NUP210L: variants seen among roughly 807,000 people sequenced by gnomAD.
NUP210L encodes nuclear pore membrane glycoprotein 210-like.
NUP210L carries 74 observed loss-of-function variants against 208.5 expected under a neutral mutation model. The observed-to-expected ratio is 0.35, with a 90% CI of 0.29 to 0.43. The LOEUF (loss-of-function observed/expected upper bound fraction) is 0.43. NUP210L is among the 20% of genes least tolerant of loss of function. The probability of loss-of-function intolerance (pLI) is 1.00; values close to 1 mark genes in which losing one functional copy is unlikely to be tolerated. For synonymous variants in NUP210L, 780 were observed against 816.9 expected (o/e 0.95, Z 0.77); for missense variants, 1,843 against 2,289.4 (o/e 0.81, Z 3.98).
At chr1:154,148,686 T>C (rs186016056) in intron 2 of NUP210L, among the ~76,000 whole-genome samples, 32 of 152,286 alleles carry the variant, frequency 2.1e-4, no homozygotes, top group African/African-American at 7.7e-4. Flanking sequence ...AATTAAAAAG[T>C]TTTAAAATTA....
chr1:154,075,688 T>G (rs925324009), intron 16 of NUP210L, among the ~76,000 whole-genome samples: 4 of 152,042 alleles, frequency 2.6e-5, no homozygotes, highest in Non-Finnish European at 5.9e-5. Context: ...TTATTAGAAA[T>G]GTAAAGAAAT....
intron 25 of NUP210L, among the ~76,000 whole-genome samples, chr1:154,046,803 G>A (rs572654760): frequency 3.3e-5 from 5 of 152,326 alleles, no homozygotes; most frequent in South Asian, 4.1e-4. Context: ...GGTGGCTCAC[G>A]CCTGTAATCC....
At chr1:154,076,102 CT>C (rs60524355) in intron 16 of NUP210L, among the ~76,000 whole-genome samples, 5,151 of 117,896 alleles carry the variant, frequency 0.044, 111 homozygotes, top group African/African-American at 0.092. Flanking sequence ...ACAAAGACTT[CT>C]TTTTTTTTTT....
chr1:154,120,630 TA>T (rs553188982), intron 10 of NUP210L, among the ~76,000 whole-genome samples: 8,828 of 117,776 alleles, frequency 0.075, 359 homozygotes, highest in Middle Eastern at 0.15. Context: ...GTATAATAAT[TA>T]AAAAAAAAAA....
At chr1:154,055,755 A>T (rs1394425242) in intron 23 of NUP210L, among the ~76,000 whole-genome samples, 1 of 152,232 alleles carries the variant, frequency 6.6e-6, no homozygotes, top group Non-Finnish European at 1.5e-5. Context: ...ACACACAAAG[A>T]TATGTAATTT....
chr1:154,142,346 G>A (rs928317526), intron 3 of NUP210L, among the ~76,000 whole-genome samples: 1 of 151,672 alleles, frequency 6.6e-6, no homozygotes, highest in Non-Finnish European at 1.5e-5. Context: ...GAGCCACCAC[G>A]TCCCACCTAA....
chr1:154,046,333 C>G (rs553132646), exon 26 of NUP210L: 1 of 1,614,080 alleles, frequency 6.2e-7, no homozygotes, highest in South Asian at 1.1e-5. Context: ...AGGATCCTAA[C>G]AGCCCTTAGC....
chr1:154,124,784 T>C (rs1657795766), intron 10 of NUP210L, among the ~76,000 whole-genome samples: 1 of 151,786 alleles, frequency 6.6e-6, no homozygotes, highest in African/African-American at 2.4e-5. Context: ...AGAACCTGTC[T>C]CTACAAAAAA....
At chr1:154,106,352 A>G (rs1331343819) in intron 12 of NUP210L, among the ~76,000 whole-genome samples, 1 of 152,156 alleles carries the variant, frequency 6.6e-6, no homozygotes, top group Non-Finnish European at 1.5e-5. Context: ...ATAGAGCATC[A>G]GGTAGATTTC....
intron 15 of NUP210L, 100 bp downstream of exon 15, chr1:154,094,835 C>A: frequency 1.2e-6 from 1 of 831,182 alleles, no homozygotes; most frequent in South Asian, 1.8e-5. Flanking sequence ...CTATTTAGTC[C>A]ATAAACTAAA....
chr1:154,054,842 G>A lies in NUP210L; in HGVS notation c.3241-10C>T. 1 of 1,600,756 alleles carries A rather than the reference G, an allele frequency of 6.2e-7. No homozygotes were observed. The highest frequency in any genetic ancestry group is 8.6e-7 in the Non-Finnish European group (1 of 1,168,060). ...TGAATGGAGGAAACACCTTGAAGGA[G>A]AAAACCAAAAGGACAACAGTAACTA... On this transcript the variant is annotated splice_polypyrimidine_tract_variant and intron_variant, in intron 23 of 39. Coordinates refer to ENST00000368559, the Ensembl canonical transcript of NUP210L.
chr1:153,997,107 G>C (rs1649932485), intron 37 of NUP210L, among the ~76,000 whole-genome samples: 1 of 151,900 alleles, frequency 6.6e-6, no homozygotes, highest in South Asian at 2.1e-4. Context: ...GGGATTACAG[G>C]GGCCCGCCAC....
At chr1:154,107,151 C>T (rs961344161) in intron 12 of NUP210L, among the ~76,000 whole-genome samples, 6 of 152,046 alleles carry the variant, frequency 3.9e-5, no homozygotes, top group African/African-American at 1.4e-4. Context: ...ACAAATATAA[C>T]AAAGATATTG....
At chr1:154,133,946 TC>T (rs978261358) in intron 7 of NUP210L, among the ~76,000 whole-genome samples, 10 of 151,464 alleles carry the variant, frequency 6.6e-5, no homozygotes, top group Admixed American at 5.9e-4. Flanking sequence ...GGTCAGGAGT[TC>T]AAGTCCAGCC....
chr1:154,146,679 C>A (rs1464792998), intron 2 of NUP210L, among the ~76,000 whole-genome samples: 1 of 133,940 alleles, frequency 7.5e-6, no homozygotes, highest in Non-Finnish European at 1.5e-5. Context: ...ACACTAAAAT[C>A]AGTGGGTAAA....
At chr1:154,026,535 T>A (rs1295478113) in intron 29 of NUP210L, among the ~76,000 whole-genome samples, 1 of 151,632 alleles carries the variant, frequency 6.6e-6, no homozygotes, top group Non-Finnish European at 1.5e-5. Flanking sequence ...TTTAGTAGAG[T>A]TGGGGTTTCT....
Position 154,030,067 on chromosome 1 carries a change from G to A in NUP210L, c.3697-13C>T, listed in dbSNP as rs1171149127. On this transcript the variant is annotated splice_polypyrimidine_tract_variant and intron_variant, in intron 27 of 39. Transcript: ENST00000368559. ...GCTGTAGAAAAACCTAGACAGTGAA[G>A]GGATAGATTAAGAAATATTCATCAA... 1 of 1,521,798 alleles carries A rather than the reference G, an allele frequency of 6.6e-7. No individual in the cohort carries two copies. The highest frequency in any genetic ancestry group is 8.8e-7 in the Non-Finnish European group (1 of 1,139,720). 94.3% of individuals were successfully genotyped at this position (1,521,798 alleles called of 1,614,324 possible). A position where few individuals can be genotyped will look rare whatever the true frequency, so the allele number is the denominator to read the frequency against.
rs34499821 is a variant in NUP210L at position 154,062,567 on chromosome 1, CTTT to C, written c.2555-896_2555-894del. On this transcript the variant is annotated intron_variant, in intron 17 of 39. Coordinates refer to ENST00000368559, the Ensembl canonical transcript of NUP210L. ...CACCTTTCTCTCTCTTTTCTTTTTC[CTTT>C]TTTTTTTTTTTTTTTTTTTTGTGTG... Among the ~76,000 whole-genome samples, 90 of 74,982 alleles carry C rather than the reference CTTT, an allele frequency of 1.2e-3. 1 individual carries two copies. Among genetic ancestry groups the C allele is most frequent in the Middle Eastern group, 0.014 (1 of 74 alleles). 49.2% of individuals were successfully genotyped at this position (74,982 alleles called of 152,430 possible).
At chr1:154,109,617 T>C (rs1198485416) in intron 12 of NUP210L, among the ~76,000 whole-genome samples, 32 of 151,688 alleles carry the variant, frequency 2.1e-4, no homozygotes, top group Admixed American at 1.5e-3. Context: ...GAATGAGTAT[T>C]CTTGATCATA....
Sources: gnomAD v4.1 joint callset for allele counts (sites outside exome capture counted in the v4.1 genomes callset) on GRCh38, gnomAD v4.1.1 for gene constraint, MANE v1.5 for transcripts, NCBI Gene and HGNC (gene_info 2026-07-23, HGNC 2026-07-21) for gene names.